TRMT9B: variants seen among roughly 807,000 people sequenced by gnomAD.
TRMT9B encodes probable tRNA methyltransferase 9B.
A neutral mutation model predicts 11.5 loss-of-function variants in TRMT9B; 16 were observed. That is an observed-to-expected ratio of 1.39 (90% CI 0.94 to 2.11). TRMT9B has a LOEUF of 2.11. TRMT9B is among the 30% of genes most tolerant of loss of function. The pLI, the probability that TRMT9B is intolerant of heterozygous loss-of-function variation, is 0.00. For synonymous variants in TRMT9B, 274 were observed against 192.4 expected, an observed-to-expected ratio of 1.42 and a Z score of -3.51; for missense variants, 941 against 553.8, an observed-to-expected ratio of 1.70 and a Z score of -7.02.
chr8:12,970,109 C>G (rs1803385476), intron 1 of TRMT9B: 1 of 152,190 alleles, frequency 6.6e-6, no homozygotes, highest in African/African-American at 2.4e-5. Flanking sequence ...ACTTTAGCCC[C>G]TCACCTGGTG....
At chr8:13,011,512 T>C (rs1811608148) in intron 3 of TRMT9B, 12 of 968,146 alleles carry the variant, frequency 1.2e-5, no homozygotes. Flanking sequence ...ATATAGGCTC[T>C]AATGATTTCT....
At chr8:12,984,769 T>G (rs926471329) in intron 1 of TRMT9B, among the ~76,000 whole-genome samples, 1 of 152,186 alleles carries the variant, frequency 6.6e-6, no homozygotes, top group Non-Finnish European at 1.5e-5. Context: ...TTGATTTTCT[T>G]GTTCATTTCT....
intron 2 of TRMT9B, 110 bp downstream of exon 2, chr8:12,991,141 C>T (rs1283486596): frequency 2.4e-6 from 1 of 409,880 alleles, no homozygotes; most frequent in Non-Finnish European, 3.7e-6. Flanking sequence ...AAATTTATGA[C>T]AATGTGATAT....
intron 1 of TRMT9B, among the ~76,000 whole-genome samples, chr8:12,947,224 C>G (rs1306529307): frequency 6.6e-6 from 1 of 152,190 alleles, no homozygotes; most frequent in Non-Finnish European, 1.5e-5. Context: ...TGTCTCCAGT[C>G]TCCTAAAGAT....
rs999963348 is a variant in TRMT9B, at chr8:13,026,531, T to C, written c.*4487T>C. ...TCTCCTGGTCCCCTGTCCCAGGGGC[T>C]GTTTGTTAAAAAAGAGTAATAAAGG... is the stretch of plus-strand genomic sequence containing the variant. On this transcript the variant is annotated 3_prime_UTR_variant, in exon 5 of 5. Transcript: ENST00000524591. 1.8e-5 allele frequency: 3 copies of C among 166,844 alleles called. No homozygotes were observed. The highest frequency in any genetic ancestry group is 4.4e-5 in the Non-Finnish European group (3 of 68,120). 10.3% of individuals were successfully genotyped at this position (166,844 alleles called of 1,614,324 possible).
intron 1 of TRMT9B, among the ~76,000 whole-genome samples, chr8:12,984,191 A>C (rs1398259150): frequency 6.6e-6 from 1 of 152,254 alleles, no homozygotes; most frequent in Non-Finnish European, 1.5e-5. Flanking sequence ...ATTATGAAAC[A>C]ACCATGAATT....
In TRMT9B at chr8:13,027,093, G is replaced by T. The variant is rs1377844500; in HGVS notation, c.*5049G>T. The stretch of plus-strand genomic sequence containing the variant: ...TATTGTTTTCCCATTTTATAAGTAA[G>T]GCAACTGAGGACTATTCAGATATTT... On this transcript the variant is annotated 3_prime_UTR_variant, in exon 5 of 5. Transcript: ENST00000524591. 1.8e-5 allele frequency: 3 copies of T among 166,940 alleles called. No homozygotes were observed. Among genetic ancestry groups the T allele is most frequent in the African/African-American group, 7.2e-5 (3 of 41,396 alleles). 10.3% of individuals were successfully genotyped at this position (166,940 alleles called of 1,614,324 possible). A position where few individuals can be genotyped will look rare whatever the true frequency, so the allele number is the denominator to read the frequency against.
At chr8:13,015,248 A>G (rs2466245) in intron 4 of TRMT9B, among the ~76,000 whole-genome samples, 64,136 of 151,216 alleles carry the variant, frequency 0.42, 14,093 homozygotes, top group East Asian at 0.61. Context: ...TATTTTTCGA[A>G]GCAATGTTTT....
intron 4 of TRMT9B, among the ~76,000 whole-genome samples, chr8:13,017,538 C>T (rs1202076757): frequency 6.6e-6 from 1 of 150,690 alleles, no homozygotes; most frequent in African/African-American, 2.4e-5. Flanking sequence ...GATACATTTA[C>T]AATGTTTCTT....
At chr8:12,981,382 A>C (rs1434136670) in intron 1 of TRMT9B, among the ~76,000 whole-genome samples, 1 of 152,082 alleles carries the variant, frequency 6.6e-6, no homozygotes. Context: ...TGCAGATCAG[A>C]TTGTGGGGGG....
At chr8:12,961,466 C>T (rs1208953488) in intron 1 of TRMT9B, among the ~76,000 whole-genome samples, 1 of 151,884 alleles carries the variant, frequency 6.6e-6, no homozygotes, top group African/African-American at 2.4e-5. Flanking sequence ...CTTTGGGAGG[C>T]CGAGGTGGGC....
At chr8:13,012,134 A>G (rs1443933858) in intron 3 of TRMT9B, 3 of 985,484 alleles carry the variant, frequency 3.0e-6, no homozygotes, top group African/African-American at 3.5e-5. Context: ...TGTGGACATC[A>G]CCTCATTAAA....
In TRMT9B at chr8:13,006,320, C is replaced by G; in HGVS notation, c.118C>G (p.Gln40Glu). ...KAWPRVRQFLQEQKPGSLIAD... is the reference protein window; with the variant it reads ...KAWPRVRQFLEEQKPGSLIAD... ...CTGGCCTCGTGTCCGCCAGTTCCTG[C>G]AAGAGCAGAAGCCAGGCAGCCTCAT... Residue 40 changes from glutamine (Q) to glutamate (E), a missense_variant, in exon 3 of 5, where the codon CAA becomes GAA. Gln to Glu is a conservative substitution (Grantham distance 29, BLOSUM62 2). Transcript: ENST00000524591. 1 of 1,613,486 alleles carries G rather than the reference C, an allele frequency of 6.2e-7. No individual in the cohort carries two copies. The highest frequency in any genetic ancestry group is 2.2e-5 in the East Asian group (1 of 44,870).
rs1208003485 is a variant in TRMT9B, at chr8:12,959,510, T to C, written c.-200+13544T>C. Among the ~76,000 whole-genome samples the C allele has an allele frequency of 8.8e-5, 11 of 124,674 alleles. No individual in the cohort carries two copies. In the East Asian group the frequency reaches 2.5e-3, roughly 28 times the overall value. 81.8% of individuals were successfully genotyped at this position (124,674 alleles called of 152,430 possible). A position where few individuals can be genotyped will look rare whatever the true frequency, so the allele number is the denominator to read the frequency against. The stretch of plus-strand genomic sequence containing the variant: ...CTCTCCTCTCCTCTCCTTTCCTTTT[T>C]CCTTCCTTTTTTTTTTTTTTTTTTT... On this transcript the variant is annotated intron_variant, in intron 1 of 4. Coordinates refer to ENST00000524591, the MANE Select transcript of TRMT9B (RefSeq NM_020844.3).
chr8:12,959,471 T>C (rs1441509368), intron 1 of TRMT9B, among the ~76,000 whole-genome samples: 1 of 136,188 alleles, frequency 7.3e-6, no homozygotes, highest in Non-Finnish European at 1.7e-5. Context: ...CCCAAGCATT[T>C]GTATTTTCCT....
At chr8:12,980,047 G>T (rs1033447824) in intron 1 of TRMT9B, among the ~76,000 whole-genome samples, 1 of 152,180 alleles carries the variant, frequency 6.6e-6, no homozygotes, top group Non-Finnish European at 1.5e-5. Flanking sequence ...ATTGAATCTA[G>T]GTCATAGGGC....
chr8:13,021,018 T>C lies in TRMT9B; in HGVS notation c.339T>C (p.His113=). Residue 113 remains histidine (H), a synonymous_variant, in exon 5 of 5, where the codon CAT becomes CAC. Transcript: ENST00000524591. ...TTTTGTCTTTTTCAGTCATACATCATTTTTCTACAAAACAAAGAAGAATCA... is the reference window on the plus strand; with the variant it reads ...TTTTGTCTTTTTCAGTCATACATCACTTTTCTACAAAACAAAGAAGAATCA... ...DAIISIGVIH[H]FSTKQRRIRA... is the part of the protein sequence containing the mutation. 1.9e-6 allele frequency: 3 copies of C among 1,545,132 alleles called. No individual in the cohort carries two copies. Among genetic ancestry groups the C allele is most frequent in the Non-Finnish European group, 2.6e-6 (3 of 1,146,172 alleles).
intron 4 of TRMT9B, among the ~76,000 whole-genome samples, chr8:13,015,973 G>T (rs915119398): frequency 1.1e-4 from 16 of 151,494 alleles, no homozygotes; most frequent in Non-Finnish European, 2.2e-4. Context: ...AGCCAGGCAT[G>T]GTGACGGGCA....
At chr8:12,986,117 C>T (rs1456856450) in intron 1 of TRMT9B, among the ~76,000 whole-genome samples, 1 of 152,164 alleles carries the variant, frequency 6.6e-6, no homozygotes, top group Non-Finnish European at 1.5e-5. Flanking sequence ...CTATCCCGGC[C>T]TCCCAAAGTG....
Sources: gnomAD v4.1 joint callset for allele counts (sites outside exome capture counted in the v4.1 genomes callset) on GRCh38, gnomAD v4.1.1 for gene constraint, MANE v1.5 for transcripts, NCBI Gene and HGNC (gene_info 2026-07-23, HGNC 2026-07-21) for gene names.